The following CNTN3 variants were observed in gnomAD, a reference collection of about 807,000 sequenced individuals.
CNTN3 encodes the protein contactin 3, also known as contactin-3.
Under a neutral mutation model 119.1 loss-of-function variants are expected in CNTN3, and 60 were observed. That is an observed-to-expected ratio of 0.50 (90% confidence interval 0.41 to 0.62). The LOEUF (loss-of-function observed/expected upper bound fraction) is 0.62, where lower values mean the gene tolerates loss of function less well. Ranked by LOEUF, CNTN3 falls within the 20% of genes least tolerant of loss-of-function variation. The pLI is 0.00. For synonymous variants in CNTN3, 450 were observed against 438.7 expected, an observed-to-expected ratio of 1.03 and a Z score of -0.32; for missense variants, 1,101 against 1,242.4, an observed-to-expected ratio of 0.89 and a Z score of 1.71.
intron 20 of CNTN3, among the ~76,000 whole-genome samples, chr3:74,276,042 A>G (rs1402157569): frequency 6.6e-6 from 1 of 152,196 alleles, no homozygotes; most frequent in Non-Finnish European, 1.5e-5. Context: ...GTTAAAAAAG[A>G]TAAAGAGGGA....
rs377498602 is a variant in CNTN3, at chr3:74,552,555, C to T, written c.-80-31363G>A. On this transcript the variant is annotated intron_variant, in intron 1 of 22. Coordinates refer to ENST00000263665, the MANE Select transcript of CNTN3 (RefSeq NM_020872.3). ...TTGAAATTTTCTCTGGCATATGATG[C>T]TGAGCATCTTTTCATACACTTATTT... 2.4e-3 allele frequency among the ~76,000 whole-genome samples: 364 copies of T among 152,238 alleles called. 1 individual carries two copies. The highest frequency in any genetic ancestry group is 0.023 in the South Asian group (113 of 4,824).
At chr3:74,391,381 T>A (rs1437597513) in intron 5 of CNTN3, among the ~76,000 whole-genome samples, 10 of 152,100 alleles carry the variant, frequency 6.6e-5, no homozygotes, top group Non-Finnish European at 4.4e-5. Context: ...ACCAATTACA[T>A]GACCTTGAGC....
At chr3:74,586,341 C>T (rs1331352975) in intron 1 of CNTN3, among the ~76,000 whole-genome samples, 1 of 152,096 alleles carries the variant, frequency 6.6e-6, no homozygotes, top group Non-Finnish European at 1.5e-5. Flanking sequence ...CTAAAATATA[C>T]ATTGTACCCT....
intron 4 of CNTN3, among the ~76,000 whole-genome samples, chr3:74,467,387 C>G (rs925150906): frequency 2.6e-5 from 4 of 152,040 alleles, no homozygotes; most frequent in African/African-American, 9.7e-5. Flanking sequence ...AAAAATCCTC[C>G]AAAAGAGATC....
intron 13 of CNTN3, among the ~76,000 whole-genome samples, chr3:74,317,402 C>T (rs1030037522): frequency 6.6e-6 from 1 of 152,098 alleles, no homozygotes; most frequent in East Asian, 1.9e-4. Context: ...GGTTATTTTG[C>T]TCGTTAGTTG....
intron 4 of CNTN3, among the ~76,000 whole-genome samples, chr3:74,460,772 C>CAT (rs71129755): frequency 9.1e-4 from 81 of 89,406 alleles, no homozygotes; most frequent in Non-Finnish European, 1.1e-3. Context: ...TTCTTATTTT[C>CAT]ATATATATAT....
chr3:74,590,125 A>C (rs1164032970), intron 1 of CNTN3, among the ~76,000 whole-genome samples: 2 of 151,848 alleles, frequency 1.3e-5, no homozygotes, highest in African/African-American at 2.4e-5. Flanking sequence ...AAAAAGTATA[A>C]TAATAATAAA....
chr3:74,399,309 G>T (rs1356198677), intron 5 of CNTN3, among the ~76,000 whole-genome samples: 1 of 151,706 alleles, frequency 6.6e-6, no homozygotes, highest in Admixed American at 6.6e-5. Flanking sequence ...TCCACTTTCT[G>T]ACAGGCCCCA....
At chr3:74,589,890 G>A (rs1231672086) in intron 1 of CNTN3, among the ~76,000 whole-genome samples, 3 of 144,718 alleles carry the variant, frequency 2.1e-5, no homozygotes, top group Admixed American at 1.4e-4. Flanking sequence ...TCTCACTCAT[G>A]GATGGGAATT....
intron 1 of CNTN3, among the ~76,000 whole-genome samples, chr3:74,581,243 GA>G (rs200056729): frequency 0.026 from 3,884 of 151,690 alleles, 78 homozygotes; most frequent in South Asian, 0.041. Context: ...ATCTATAAAA[GA>G]AAAAAACTAC....
At chr3:74,347,563 A>G (rs572707832) in intron 11 of CNTN3, among the ~76,000 whole-genome samples, 1 of 152,300 alleles carries the variant, frequency 6.6e-6, no homozygotes, top group Non-Finnish European at 1.5e-5. Context: ...CTTGAAATGT[A>G]CCATATAATG....
intron 11 of CNTN3, among the ~76,000 whole-genome samples, chr3:74,359,538 G>A (rs747739077): frequency 3.4e-4 from 52 of 151,654 alleles, no homozygotes; most frequent in Non-Finnish European, 5.9e-4. Flanking sequence ...TTTGTGCCAC[G>A]AATCTATACT....
rs188164565 is a variant in CNTN3, at chr3:74,607,051, T to C, written c.-81+7340A>G. 6.0e-3 allele frequency among the ~76,000 whole-genome samples: 908 copies of C among 152,278 alleles called. 9 individuals are homozygous for C. The highest frequency in any genetic ancestry group is 0.021 in the African/African-American group (872 of 41,574). On this transcript the variant is annotated intron_variant, in intron 1 of 22. Coordinates refer to ENST00000263665, the MANE Select transcript of CNTN3 (RefSeq NM_020872.3). ...ACCATACAGTCCATGCACAAAGCTTTTGATCAGTTTTATTTAAAATAAATA... is the reference window on the plus strand; with the variant it reads ...ACCATACAGTCCATGCACAAAGCTTCTGATCAGTTTTATTTAAAATAAATA...
chr3:74,316,556 T>C lies in CNTN3; in HGVS notation c.1669-13749A>G, dbSNP rs1462324472. ...CACCCATATGTTCACCACAGTATTA[T>C]TCACAATAGCAAAGATATGAAGTCC... On this transcript the variant is annotated intron_variant, in intron 13 of 22. Coordinates refer to ENST00000263665, the MANE Select transcript of CNTN3 (RefSeq NM_020872.3). 2.0e-5 allele frequency among the ~76,000 whole-genome samples: 3 copies of C among 152,146 alleles called. No homozygotes were observed. The East Asian group carries it at 5.8e-4, about 29-fold the overall frequency.
rs367780984 is a variant in CNTN3 at position 74,440,649 on chromosome 3, CTGT to C, written c.359-15712_359-15710del. On this transcript the variant is annotated intron_variant, in intron 4 of 22. Coordinates refer to ENST00000263665, the MANE Select transcript of CNTN3 (RefSeq NM_020872.3). ...GTACTGAACATGTATACTTTTTTTCCTGTTGTTATTTATTTTTTTTTACTTTAA... is the reference window on the plus strand; with the variant it reads ...GTACTGAACATGTATACTTTTTTTCCTGTTATTTATTTTTTTTTACTTTAA... Among the ~76,000 whole-genome samples the C allele has an allele frequency of 5.2e-3, 793 of 151,880 alleles. 6 individuals carry two copies. Among genetic ancestry groups the C allele is most frequent in the African/African-American group, 0.018 (749 of 41,422 alleles).
intron 5 of CNTN3, among the ~76,000 whole-genome samples, chr3:74,391,002 G>A (rs1344883808): frequency 6.6e-6 from 1 of 152,174 alleles, no homozygotes; most frequent in Non-Finnish European, 1.5e-5. Flanking sequence ...TGAATTACCA[G>A]AGATGTGTCT....
intron 13 of CNTN3, among the ~76,000 whole-genome samples, chr3:74,316,840 A>G (rs1351494086): frequency 6.6e-6 from 1 of 151,794 alleles, no homozygotes; most frequent in Non-Finnish European, 1.5e-5. Flanking sequence ...AGGCAGGAGA[A>G]TGGCGTGAAC....
intron 14 of CNTN3, 59 bp from the exon 15 acceptor site, chr3:74,301,864 A>T: frequency 6.4e-7 from 1 of 1,553,466 alleles, no homozygotes; most frequent in Non-Finnish European, 8.8e-7. Context: ...ATCCTCTCCT[A>T]TCAAAGAGAA....
intron 4 of CNTN3, among the ~76,000 whole-genome samples, chr3:74,469,628 G>A (rs1229985887): frequency 6.6e-6 from 1 of 152,192 alleles, no homozygotes; most frequent in African/African-American, 2.4e-5. Flanking sequence ...TCAGGGAGAT[G>A]TAAATGAAAA....
Sources: gnomAD v4.1 joint callset for allele counts (sites outside exome capture counted in the v4.1 genomes callset) on GRCh38, gnomAD v4.1.1 for gene constraint, MANE v1.5 for transcripts, NCBI Gene and HGNC (gene_info 2026-07-23, HGNC 2026-07-21) for gene names.